ZFPM2: variants seen among roughly 807,000 people sequenced by gnomAD.
ZFPM2 encodes the protein zinc finger protein ZFPM2.
ZFPM2 carries 20 observed loss-of-function variants against 98.6 expected under a neutral mutation model. That is an observed-to-expected ratio of 0.20 (90% CI 0.14 to 0.29). ZFPM2 has a LOEUF of 0.29. Among genes scored for constraint, ZFPM2 ranks in the 10% least tolerant of loss-of-function variants. The probability of loss-of-function intolerance (pLI) is 1.00; values close to 1 mark genes in which losing one functional copy is unlikely to be tolerated. For synonymous variants in ZFPM2, 518 were observed against 502.7 expected, an observed-to-expected ratio of 1.03 and a Z score of -0.41; for missense variants, 1,310 against 1,388.6, an observed-to-expected ratio of 0.94 and a Z score of 0.90.
intron 4 of ZFPM2, among the ~76,000 whole-genome samples, chr8:105,620,286 T>C (rs1280228946): frequency 6.6e-6 from 1 of 152,208 alleles, no homozygotes; most frequent in African/African-American, 2.4e-5. Flanking sequence ...TGGCCAGTGA[T>C]GATGAGCATT....
At chr8:105,413,064 TA>T (rs1811608812) in intron 1 of ZFPM2, among the ~76,000 whole-genome samples, 1 of 151,884 alleles carries the variant, frequency 6.6e-6, no homozygotes, top group Admixed American at 6.6e-5. Flanking sequence ...AGAGTCGGGT[TA>T]TTTTTTTCCC....
intron 5 of ZFPM2, among the ~76,000 whole-genome samples, chr8:105,772,787 T>C (rs562310769): frequency 9.9e-5 from 15 of 152,258 alleles, no homozygotes; most frequent in East Asian, 1.9e-4. Context: ...AGTAAAGGAA[T>C]GGAAACTGCC....
chr8:105,426,184 A>T (rs1169570592), intron 2 of ZFPM2, among the ~76,000 whole-genome samples: 2 of 152,122 alleles, frequency 1.3e-5, no homozygotes, highest in African/African-American at 4.8e-5. Flanking sequence ...CTTTTTTCTT[A>T]ACGGGATTAA....
chr8:105,399,929 C>T (rs1376090743), intron 1 of ZFPM2, among the ~76,000 whole-genome samples: 1 of 151,934 alleles, frequency 6.6e-6, no homozygotes, highest in Non-Finnish European at 1.5e-5. Context: ...CTGCACCTGG[C>T]TAATTTTTTT....
chr8:105,488,850 A>C (rs531680610), intron 3 of ZFPM2, among the ~76,000 whole-genome samples: 1 of 152,314 alleles, frequency 6.6e-6, no homozygotes, highest in Admixed American at 6.5e-5. Flanking sequence ...CAGGCCTCTC[A>C]GATCTCTAAT....
intron 1 of ZFPM2, among the ~76,000 whole-genome samples, chr8:105,349,571 G>C (rs1213826700): frequency 6.6e-6 from 1 of 152,080 alleles, no homozygotes; most frequent in East Asian, 1.9e-4. Context: ...TTCACTTTTA[G>C]GTCAACGTAA....
At chr8:105,628,903 A>G (rs1376952954) in intron 4 of ZFPM2, among the ~76,000 whole-genome samples, 2 of 133,676 alleles carry the variant, frequency 1.5e-5, no homozygotes, top group East Asian at 4.3e-4. Context: ...GGTGATGAGT[A>G]GCATGAAAAA....
intron 5 of ZFPM2, among the ~76,000 whole-genome samples, chr8:105,716,238 T>C (rs900138860): frequency 6.6e-6 from 1 of 150,406 alleles, no homozygotes; most frequent in Non-Finnish European, 1.5e-5. Context: ...ATTTTATCTA[T>C]ATTTTATCCA....
At chr8:105,491,833 G>C (rs1813361443) in intron 3 of ZFPM2, among the ~76,000 whole-genome samples, 1 of 152,040 alleles carries the variant, frequency 6.6e-6, no homozygotes, top group African/African-American at 2.4e-5. Flanking sequence ...GTGACTTAGT[G>C]GTTATAGATA....
At chr8:105,663,589 A>G (rs1817433270) in intron 5 of ZFPM2, among the ~76,000 whole-genome samples, 1 of 152,140 alleles carries the variant, frequency 6.6e-6, no homozygotes, top group Admixed American at 6.5e-5. Flanking sequence ...TTATGATGAT[A>G]TTACTTAACA....
intron 1 of ZFPM2, among the ~76,000 whole-genome samples, chr8:105,393,330 C>CTCTGTCTGTCTG (rs1554600660): frequency 7.5e-6 from 1 of 132,834 alleles, no homozygotes; most frequent in African/African-American, 3.1e-5. Context: ...CCCTCTCTCT[C>CTCTGTCTGTCTG]TCTTTGCCTT....
At chr8:105,431,815 G>T (rs1379900703) in intron 2 of ZFPM2, among the ~76,000 whole-genome samples, 1 of 151,370 alleles carries the variant, frequency 6.6e-6, no homozygotes, top group Non-Finnish European at 1.5e-5. Context: ...AGCTACTTGG[G>T]AGGCTAAGGT....
chr8:105,556,590 G>A (rs567375397), intron 3 of ZFPM2, among the ~76,000 whole-genome samples: 6 of 151,930 alleles, frequency 3.9e-5, no homozygotes, highest in Non-Finnish European at 5.9e-5. Flanking sequence ...CGTGTATCCC[G>A]GTCTACCACT....
chr8:105,360,633 C>G (rs1482024825), intron 1 of ZFPM2, among the ~76,000 whole-genome samples: 1 of 133,366 alleles, frequency 7.5e-6, no homozygotes, highest in Non-Finnish European at 1.6e-5. Context: ...CTCCCCCGAC[C>G]CCACAACAGT....
intron 3 of ZFPM2, among the ~76,000 whole-genome samples, chr8:105,496,217 T>C (rs961569865): frequency 2.6e-5 from 4 of 152,138 alleles, no homozygotes; most frequent in African/African-American, 9.7e-5. Flanking sequence ...CACTATGTTG[T>C]CCAGGCTGGG....
At chr8:105,379,661 G>A (rs1471934924) in intron 1 of ZFPM2, among the ~76,000 whole-genome samples, 4 of 151,278 alleles carry the variant, frequency 2.6e-5, no homozygotes, top group African/African-American at 4.9e-5. Context: ...GCTGAGGCGA[G>A]AGAATTACTT....
At chr8:105,657,857 T>C (rs1817315201) in intron 5 of ZFPM2, among the ~76,000 whole-genome samples, 1 of 152,238 alleles carries the variant, frequency 6.6e-6, no homozygotes, top group South Asian at 2.1e-4. Context: ...ATTTATTTTT[T>C]AATCATGTTA....
In ZFPM2 at chr8:105,461,398, C is replaced by T. The variant is rs78143228; in HGVS notation, c.301+17017C>T. On this transcript the variant is annotated intron_variant, in intron 3 of 7. Transcript: ENST00000407775. ...AAATTACCTGAAATTAATAATTCTCCTGATTTCCTTTGGGCTTTTACTATT... is the reference window on the plus strand; with the variant it reads ...AAATTACCTGAAATTAATAATTCTCTTGATTTCCTTTGGGCTTTTACTATT... 5.2e-3 allele frequency among the ~76,000 whole-genome samples: 788 copies of T among 152,198 alleles called. 4 individuals are homozygous for T. Among genetic ancestry groups the T allele is most frequent in the African/African-American group, 0.016 (678 of 41,552 alleles).
At chr8:105,437,810 G>A (rs1402621371) in intron 2 of ZFPM2, among the ~76,000 whole-genome samples, 17 of 152,196 alleles carry the variant, frequency 1.1e-4, no homozygotes, top group African/African-American at 3.6e-4. Flanking sequence ...TAAGAGGCCC[G>A]GGTGAGTGGA....
Sources: allele counts gnomAD v4.1 joint callset (sites outside exome capture counted in the v4.1 genomes callset), GRCh38; gene constraint gnomAD v4.1.1; transcripts MANE v1.5; gene names NCBI Gene and HGNC (gene_info 2026-07-23, HGNC 2026-07-21).